NCEH1: variants seen among roughly 807,000 people sequenced by gnomAD.
NCEH1 encodes 2-acetyl MAGE hydrolase.
NCEH1 carries 9 observed loss-of-function variants against 25.4 expected under a neutral mutation model. The ratio of observed to expected loss-of-function variants is 0.35; its 90% confidence interval spans 0.21 to 0.62. The LOEUF (loss-of-function observed/expected upper bound fraction) is 0.62. NCEH1 is among the 20% of genes least tolerant of loss of function. The pLI, the probability that NCEH1 is intolerant of heterozygous loss-of-function variation, is 0.72. For synonymous variants in NCEH1, 200 were observed against 199.8 expected (o/e 1.00, Z -0.01); for missense variants, 412 against 501.1 (o/e 0.82, Z 1.70).
At chr3:172,656,338 G>A (rs1717692737) in intron 1 of NCEH1, among the ~76,000 whole-genome samples, 1 of 152,194 alleles carries the variant, frequency 6.6e-6, no homozygotes, top group South Asian at 2.1e-4. Context: ...GGAGGACATA[G>A]GATCTGGAAA....
chr3:172,696,981 A>G (rs1713412641), intron 1 of NCEH1, among the ~76,000 whole-genome samples: 2 of 152,212 alleles, frequency 1.3e-5, no homozygotes, highest in South Asian at 2.1e-4. Context: ...GCTGGAGTAC[A>G]ATGGCGTGAT....
chr3:172,632,783 A>G lies in NCEH1; in HGVS notation c.*692T>C, dbSNP rs1560175119. 1 of 152,690 alleles carries G rather than the reference A, an allele frequency of 6.5e-6. No individual in the cohort carries two copies. The highest frequency in any genetic ancestry group is 1.5e-5 in the Non-Finnish European group (1 of 68,046). 9.5% of individuals were successfully genotyped at this position (152,690 alleles called of 1,614,324 possible). ...AAACACAACAAAAACCTAATGATAT[A>G]TAGATATCCAGTGCATGCGACTTCA... On this transcript the variant is annotated 3_prime_UTR_variant, in exon 5 of 5. Coordinates refer to ENST00000475381, the MANE Select transcript of NCEH1 (RefSeq NM_020792.6).
chr3:172,686,142 C>T lies in NCEH1; in HGVS notation c.138+24705G>A, dbSNP rs191701084. Among the ~76,000 whole-genome samples the T allele has an allele frequency of 2.6e-4, 40 of 152,356 alleles. No homozygotes were observed. The East Asian group carries it at 7.5e-3, about 29-fold the overall frequency. On this transcript the variant is annotated intron_variant, in intron 1 of 4. Coordinates refer to ENST00000475381, the MANE Select transcript of NCEH1 (RefSeq NM_020792.6). ...TGCTTAAACTTTAGTCTTTTCACAA[C>T]TCTTCACATCCCTTGAGACTGCTTT...
intron 1 of NCEH1, among the ~76,000 whole-genome samples, chr3:172,649,945 A>C (rs566313155): frequency 1.2e-3 from 187 of 152,358 alleles, no homozygotes; most frequent in Non-Finnish European, 2.1e-3. Flanking sequence ...TTCTTTAACT[A>C]TATGAAGCTG....
intron 1 of NCEH1, among the ~76,000 whole-genome samples, chr3:172,689,966 C>T (rs1431267764): frequency 6.7e-5 from 10 of 149,840 alleles, no homozygotes; most frequent in African/African-American, 2.0e-4. Context: ...TGCAGTGGCA[C>T]GATCTCGGCT....
At chr3:172,636,810 C>A (rs1716615934) in intron 3 of NCEH1, among the ~76,000 whole-genome samples, 1 of 152,194 alleles carries the variant, frequency 6.6e-6, no homozygotes, top group Non-Finnish European at 1.5e-5. Context: ...TTAAGATTCC[C>A]AGAAAGCTCT....
At chr3:172,650,422 T>C (rs1717339981) in intron 1 of NCEH1, among the ~76,000 whole-genome samples, 1 of 151,660 alleles carries the variant, frequency 6.6e-6, no homozygotes, top group African/African-American at 2.4e-5. Flanking sequence ...GATGGGCGGA[T>C]CATGAGGTCA....
chr3:172,685,662 T>C (rs1312985675), intron 1 of NCEH1, among the ~76,000 whole-genome samples: 1 of 152,222 alleles, frequency 6.6e-6, no homozygotes, highest in Non-Finnish European at 1.5e-5. Flanking sequence ...AACTTTTTTT[T>C]TCTCTTCCCC....
chr3:172,708,972 A>G (rs1714156290), intron 1 of NCEH1, among the ~76,000 whole-genome samples: 1 of 152,164 alleles, frequency 6.6e-6, no homozygotes, highest in Non-Finnish European at 1.5e-5. Flanking sequence ...GATCTTTCTG[A>G]TATTTCACAA....
In NCEH1 at chr3:172,680,341, G is replaced by T. The variant is rs560799207; in HGVS notation, c.138+30506C>A. Among the ~76,000 whole-genome samples, 21 of 152,204 alleles carry T rather than the reference G, an allele frequency of 1.4e-4. No individual in the cohort carries two copies. In the South Asian group the frequency reaches 4.4e-3, roughly 32 times the overall value. On this transcript the variant is annotated intron_variant, in intron 1 of 4. Transcript: ENST00000475381. ...TGGTGGCCTCTCTCAGGCTTGAATG[G>T]TCCCTCCCCTGAACTCCTCCTCAAA...
At chr3:172,710,719 A>T in intron 1 of NCEH1, 128 bp downstream of exon 1, 1 of 1,046,822 alleles carries the variant, frequency 9.6e-7, no homozygotes, top group Non-Finnish European at 1.4e-6. Flanking sequence ...GGACCACCTC[A>T]AAAAGCGACA....
intron 1 of NCEH1, among the ~76,000 whole-genome samples, chr3:172,707,304 G>A (rs1416933926): frequency 1.3e-5 from 2 of 152,162 alleles, no homozygotes; most frequent in South Asian, 2.1e-4. Flanking sequence ...ACCTACTTTT[G>A]TTTGTGCTTT....
At chr3:172,642,892 A>G (rs975761608) in intron 3 of NCEH1, among the ~76,000 whole-genome samples, 1 of 152,114 alleles carries the variant, frequency 6.6e-6, no homozygotes, top group Non-Finnish European at 1.5e-5. Flanking sequence ...GGAAGACGTG[A>G]TTTCTGTTTC....
chr3:172,672,083 G>C (rs9866214), intron 1 of NCEH1, among the ~76,000 whole-genome samples: 17,576 of 152,178 alleles, frequency 0.12, 1,165 homozygotes, highest in East Asian at 0.2. Context: ...GCCTTACACA[G>C]GGGTAGCATT....
intron 1 of NCEH1, among the ~76,000 whole-genome samples, chr3:172,701,334 C>T (rs960194899): frequency 2.6e-5 from 4 of 152,054 alleles, no homozygotes; most frequent in South Asian, 2.1e-4. Context: ...CCTTCCTCTC[C>T]GATGCTCCAT....
At position 172,701,466 on chromosome 3, in the gene NCEH1, T is replaced by TTTTTTA. The variant is rs1159407444; in HGVS notation, c.138+9380_138+9381insTAAAAA. On this transcript the variant is annotated intron_variant, in intron 1 of 4. Coordinates refer to ENST00000475381, the MANE Select transcript of NCEH1 (RefSeq NM_020792.6). ...TCTTTTGCCTTTTTTTTTTTTTTTT[T>TTTTTTA]AAAGACGGAGTCTCCCTCTATTGCC... Among the ~76,000 whole-genome samples the TTTTTTA allele has an allele frequency of 1.3e-4, 18 of 143,668 alleles. No homozygotes were observed. In the South Asian group the frequency reaches 3.5e-3, roughly 28 times the overall value. The allele number at this position is 143,668 out of a possible 152,430, so 94.3% of individuals were successfully genotyped here. A position where few individuals can be genotyped will look rare whatever the true frequency, so the allele number is the denominator to read the frequency against.
chr3:172,673,899 T>G (rs1258325047), intron 1 of NCEH1, among the ~76,000 whole-genome samples: 1 of 152,140 alleles, frequency 6.6e-6, no homozygotes, highest in African/African-American at 2.4e-5. Context: ...TTTGCCAGCC[T>G]GCAGCCGATG....
chr3:172,633,833 G>C lies in NCEH1; in HGVS notation c.869C>G (p.Ser290Cys). 1 of 1,614,200 alleles carries C rather than the reference G, an allele frequency of 6.2e-7. No homozygotes were observed. The highest frequency in any genetic ancestry group is 8.5e-7 in the Non-Finnish European group (1 of 1,180,032). ...CTTTGTGAAGGATGCAGGCAAGAGG[G>C]ATGTCCAGTTTAGACGGGCCCTGAC... ...AAVRARLNWT[S>C]LLPASFTKNY... The change falls in exon 5 of 5, where the codon TCC (serine) becomes TGC (cysteine). Residue 290 changes from serine to cysteine, a missense_variant. Around this residue, in one of 3 missense-constraint regions of NCEH1, gnomAD observed 210 missense variants for 258.2 expected, o/e 0.81. Transcript: ENST00000475381.
chr3:172,648,417 T>TA (rs1717230646), intron 1 of NCEH1, among the ~76,000 whole-genome samples: 1 of 152,100 alleles, frequency 6.6e-6, no homozygotes, highest in Admixed American at 6.5e-5. Context: ...TAAGATTAGG[T>TA]TTGAATTCCA....
Sources: allele counts gnomAD v4.1 joint callset (sites outside exome capture counted in the v4.1 genomes callset), GRCh38; gene constraint gnomAD v4.1.1; regional missense constraint gnomAD v4.1.1; transcripts MANE v1.5; gene names NCBI Gene and HGNC (gene_info 2026-07-23, HGNC 2026-07-21).